The following DEF6 variants were observed in gnomAD, a reference collection of about 807,000 sequenced individuals.
DEF6 encodes the protein DEF6 guanine nucleotide exchange factor, also known as differentially expressed in FDCP 6 homolog.
Under a neutral mutation model 80.5 loss-of-function variants are expected in DEF6, and 32 were observed. The observed-to-expected ratio is 0.40, with a 90% CI of 0.30 to 0.53. The LOEUF is 0.53. Ranked by LOEUF, DEF6 falls within the 20% of genes least tolerant of loss-of-function variation. DEF6 has a pLI of 0.57. For synonymous variants in DEF6, 300 were observed against 337.9 expected (o/e 0.89, Z 1.23); for missense variants, 575 against 818.7 (o/e 0.70, Z 3.63).
Position 35,312,962 on chromosome 6 carries a change from C to G in DEF6, c.807+190C>G, listed in dbSNP as rs1337203306. ...TTCTCATCCACGTCAGCACTTAAAA[C>G]TAAAACTGCAACTCAAGCACCAAAG... On this transcript the variant is annotated intron_variant, in intron 5 of 10. Transcript: ENST00000316637. This position sits in a 1 kb window ranked among gnomAD's most constrained non-coding sequence, Gnocchi z 6.6. Among the ~76,000 whole-genome samples the G allele has an allele frequency of 1.3e-5, 2 of 152,214 alleles. No individual in the cohort carries two copies. The highest frequency in any genetic ancestry group is 2.9e-5 in the Non-Finnish European group (2 of 68,048).
Position 35,306,478 on chromosome 6 carries a change from T to C in DEF6, c.97-3192T>C, listed in dbSNP as rs1167510993. On this transcript the variant is annotated intron_variant, in intron 1 of 10. Coordinates refer to ENST00000316637, the MANE Select transcript of DEF6 (RefSeq NM_022047.4). ...GTGAGCCGAGATCACGCCATTGCAC[T>C]CCAGCCTGGGCAACAAGAGTGAAAT... Among the ~76,000 whole-genome samples the C allele has an allele frequency of 2.7e-5, 4 of 150,898 alleles. No homozygotes were observed. The South Asian group carries it at 6.3e-4, about 24-fold the overall frequency.
intron 5 of DEF6, chr6:35,316,273 A>G: frequency 6.6e-6 from 1 of 152,090 alleles, no homozygotes; most frequent in South Asian, 2.1e-4. Flanking sequence ...CCAAAGTGTT[A>G]GGATTACAAG....
Position 35,317,976 on chromosome 6 carries a change from G to A in DEF6, c.893G>A (p.Arg298His). Residue 298 changes from arginine (R) to histidine (H), a missense_variant, in exon 6 of 11, where the codon CGC becomes CAC. Arg to His is a conservative substitution (Grantham distance 29). Coordinates refer to ENST00000316637, the MANE Select transcript of DEF6 (RefSeq NM_022047.4). ...TATGAGATGAGCGCCTCAGACACGC[G>A]CCAGCGCCAGGAGTGGACAGCTGGT... ...RTYEMSASDT[R>H]QRQEWTAAIQ... 1 of 1,613,710 alleles carries A rather than the reference G, an allele frequency of 6.2e-7. No homozygotes were observed. Among genetic ancestry groups the A allele is most frequent in the Non-Finnish European group, 8.5e-7 (1 of 1,179,852 alleles).
rs1791571665 is a variant in DEF6, at chr6:35,320,032, G to C, written c.1581+15G>C. On this transcript the variant is annotated intron_variant, in intron 9 of 10. Coordinates refer to ENST00000316637, the MANE Select transcript of DEF6 (RefSeq NM_022047.4). ...AGGATGTGGAGGTGAGGCCTGGGGTGGGATGGGGTGGAGGCTGGCAGGGTG... is the reference window on the plus strand; with the variant it reads ...AGGATGTGGAGGTGAGGCCTGGGGTCGGATGGGGTGGAGGCTGGCAGGGTG... The C allele has an allele frequency of 6.4e-7, 1 of 1,553,798 alleles. No individual in the cohort carries two copies. The highest frequency in any genetic ancestry group is 1.2e-5 in the South Asian group (1 of 84,342).
At chr6:35,306,435 C>T (rs929189148) in intron 1 of DEF6, among the ~76,000 whole-genome samples, 1 of 151,336 alleles carries the variant, frequency 6.6e-6, no homozygotes, top group South Asian at 2.1e-4. Flanking sequence ...CACCTGAACC[C>T]GAGAGGCAGA....
chr6:35,298,393 G>A (rs1292672606), intron 1 of DEF6, among the ~76,000 whole-genome samples: 1 of 152,078 alleles, frequency 6.6e-6, no homozygotes, highest in South Asian at 2.1e-4. Context: ...CTCTGGAGCT[G>A]AGAGAGGCAT....
At chr6:35,313,198 A>G (rs550602103) in intron 5 of DEF6, among the ~76,000 whole-genome samples, 2 of 151,924 alleles carry the variant, frequency 1.3e-5, no homozygotes, top group Admixed American at 6.6e-5. Flanking sequence ...GTTCATCACT[A>G]TTTTAGAGGC....
chr6:35,298,012 C>T, intron 1 of DEF6, 60 bp downstream of exon 1: 1 of 1,435,838 alleles, frequency 7.0e-7, no homozygotes, highest in Non-Finnish European at 9.6e-7. Flanking sequence ...CCCCTGCCGC[C>T]TGGGAGCCAG....
intron 5 of DEF6, 156 bp from the exon 6 acceptor site, chr6:35,317,735 A>T: frequency 1.9e-6 from 1 of 517,504 alleles, no homozygotes; most frequent in Admixed American, 3.3e-5. Flanking sequence ...TAAGTCCCCC[A>T]TAACTTATGA....
chr6:35,309,568 A>G, intron 1 of DEF6, 102 bp from the exon 2 acceptor site: 2 of 1,397,236 alleles, frequency 1.4e-6, no homozygotes, highest in South Asian at 2.6e-5. Flanking sequence ...TAGAGAACTC[A>G]GCCAGGATGG....
At chr6:35,310,974 G>T (rs1456099693) in intron 3 of DEF6, among the ~76,000 whole-genome samples, 1 of 152,200 alleles carries the variant, frequency 6.6e-6, no homozygotes, top group Non-Finnish European at 1.5e-5. Flanking sequence ...TCTAGGAAGG[G>T]TGCTTTTTTT....
rs569708741 is a variant in DEF6 at position 35,309,512 on chromosome 6, C to T, written c.97-158C>T. On this transcript the variant is annotated intron_variant, in intron 1 of 10. Transcript: ENST00000316637. ...TAAAGTACTTTAGCTCAGTGCTTGG[C>T]ACATAGTATATAAGTTTTAGTTATT... 3.3e-5 allele frequency among the ~76,000 whole-genome samples: 5 copies of T among 152,254 alleles called. No homozygotes were observed. In the East Asian group the frequency reaches 9.7e-4, roughly 29 times the overall value.
At chr6:35,320,747 G>A (rs978801916) in intron 9 of DEF6, 137 bp from the exon 10 acceptor site, 8 of 690,478 alleles carry the variant, frequency 1.2e-5, no homozygotes, top group South Asian at 1.9e-5. Context: ...ATAACTCTAT[G>A]AGCATATATG....
Position 35,319,925 on chromosome 6 carries a change from G to T in DEF6, c.1489G>T (p.Glu497Ter). 6.4e-7 allele frequency: 1 copy of T among 1,570,468 alleles called. No homozygotes were observed. Among genetic ancestry groups the T allele is most frequent in the Non-Finnish European group, 8.6e-7 (1 of 1,157,438 alleles). Residue 497 changes from glutamate to a stop codon, truncating the protein, a stop_gained, in exon 9 of 11, where the codon GAG (glutamate) becomes TAG (stop). Coordinates refer to ENST00000316637, the MANE Select transcript of DEF6 (RefSeq NM_022047.4). LOFTEE classifies it high-confidence loss of function. The surrounding 1 kb of genome is among the most constrained non-coding windows in gnomAD (Gnocchi z 4.5). ...AQQEKEELQQ[E>*]MAQQSRSLQQ... ...GCAGGAGAAGGAAGAGCTGCAGCAG[G>T]AGATGGCACAGCAGAGCCGCTCCCT...
intron 1 of DEF6, among the ~76,000 whole-genome samples, chr6:35,300,188 A>AT (rs1223705793): frequency 6.6e-6 from 1 of 152,010 alleles, no homozygotes; most frequent in Non-Finnish European, 1.5e-5. Context: ...CGCCTGGCTA[A>AT]TTTTTTTATT....
chr6:35,317,207 C>T (rs1303046480), intron 5 of DEF6, among the ~76,000 whole-genome samples: 3 of 152,166 alleles, frequency 2.0e-5, no homozygotes, highest in South Asian at 2.1e-4. Context: ...GAAAGGAGCA[C>T]GGATCTACGC....
chr6:35,304,132 C>CA lies in DEF6; in HGVS notation c.97-5530dup, dbSNP rs571899654. On this transcript the variant is annotated intron_variant, in intron 1 of 10. Coordinates refer to ENST00000316637, the MANE Select transcript of DEF6 (RefSeq NM_022047.4). ...TGGGCACAAGAGCAAAACTACATTG[C>CA]AAAAAAAAGAAAACACACACACACA... Among the ~76,000 whole-genome samples, 300 of 151,562 alleles carry CA rather than the reference C, an allele frequency of 2.0e-3. 2 individuals are homozygous for CA. Among genetic ancestry groups the CA allele is most frequent in the East Asian group, 8.3e-3 (43 of 5,172 alleles).
intron 5 of DEF6, among the ~76,000 whole-genome samples, chr6:35,315,216 A>G (rs2183834): frequency 0.84 from 127,342 of 152,154 alleles, 53,542 homozygotes; most frequent in Non-Finnish European, 0.87. Flanking sequence ...TAGAGACAGG[A>G]TTTTTCTCTG....
At chr6:35,303,991 ATGT>A (rs1399078895) in intron 1 of DEF6, among the ~76,000 whole-genome samples, 4 of 152,044 alleles carry the variant, frequency 2.6e-5, no homozygotes, top group African/African-American at 9.7e-5. Context: ...AATTAGCTGG[ATGT>A]TGGTGGCAGG....
Sources: gnomAD v4.1 joint callset for allele counts (sites outside exome capture counted in the v4.1 genomes callset) on GRCh38, gnomAD v4.1.1 for gene constraint, Gnocchi (gnomAD v3.1) non-coding constraint, MANE v1.5 for transcripts, NCBI Gene and HGNC (gene_info 2026-07-23, HGNC 2026-07-21) for gene names.